Variants in SAMHD1 observed in about 807,000 individuals in gnomAD.
SAMHD1 encodes SAM and HD domain containing deoxynucleoside triphosphate triphosphohydrolase 1.
Under a neutral mutation model 79.6 loss-of-function variants are expected in SAMHD1, and 54 were observed. That is an observed-to-expected ratio of 0.68 (90% CI 0.55 to 0.85). The LOEUF is 0.85. Among genes scored for constraint, SAMHD1 ranks in the 40% least tolerant of loss-of-function variants. The probability of loss-of-function intolerance (pLI) is 0.00; values close to 1 mark genes in which losing one functional copy is unlikely to be tolerated. For synonymous variants in SAMHD1, 260 were observed against 264.1 expected, an observed-to-expected ratio of 0.98 and a Z score of 0.15; for missense variants, 663 against 782.7, an observed-to-expected ratio of 0.85 and a Z score of 1.82.
Position 36,930,862 on chromosome 20 carries a change from C to G in SAMHD1, c.523G>C (p.Ala175Pro). ...CCCAGTGCGTGAACTAGACATCCTG[C>G]TAGATACCCCACCCTGCAGAGCAAA... ...FEHSLGVGYL[A>P]GCLVHALGEK... Residue 175 changes from alanine to proline, a missense_variant, in exon 5 of 16, where the codon GCA becomes CCA. Physicochemically the swap from Ala to Pro is conservative, Grantham distance 27. Transcript: ENST00000646673. The G allele has an allele frequency of 6.2e-7, 1 of 1,612,636 alleles. No homozygotes were observed. Among genetic ancestry groups the G allele is most frequent in the Non-Finnish European group, 8.5e-7 (1 of 1,178,684 alleles).
At chr20:36,950,715 GA>G in intron 1 of SAMHD1, among the ~76,000 whole-genome samples, 1 of 152,172 alleles carries the variant, frequency 6.6e-6, no homozygotes, top group Non-Finnish European at 1.5e-5. Context: ...TTTTGGAGGG[GA>G]ACCTGCTTTT....
At chr20:36,896,745 GA>G (rs1990205665) in intron 15 of SAMHD1, among the ~76,000 whole-genome samples, 1 of 152,070 alleles carries the variant, frequency 6.6e-6, no homozygotes, top group Non-Finnish European at 1.5e-5. Context: ...TGAGGCAGGG[GA>G]ATCGCTTGAA....
At chr20:36,906,214 G>A (rs1568763563) in intron 11 of SAMHD1, among the ~76,000 whole-genome samples, 1 of 152,200 alleles carries the variant, frequency 6.6e-6, no homozygotes, top group Non-Finnish European at 1.5e-5. Context: ...AAGGCAGGTG[G>A]ATCACCTGAG....
At position 36,949,661 on chromosome 20, in the gene SAMHD1, G is replaced by A. The variant is rs2063719833; in HGVS notation, c.208+1775C>T. Among the ~76,000 whole-genome samples, 4 of 150,636 alleles carry A rather than the reference G, an allele frequency of 2.7e-5. No homozygotes were observed. In the Admixed American group the frequency reaches 2.7e-4, roughly 10 times the overall value. ...AATCCCAGCTACTCGGGAGGCTGAG[G>A]CAGGAGAATAGCTTGAACCAGGCAG... On this transcript the variant is annotated intron_variant, in intron 1 of 15. Coordinates refer to ENST00000646673, the MANE Select transcript of SAMHD1 (RefSeq NM_015474.4).
At position 36,900,445 on chromosome 20, in the gene SAMHD1, C is replaced by T. The variant is rs544080757; in HGVS notation, c.1504-1901G>A. On this transcript the variant is annotated intron_variant, in intron 13 of 15. Transcript: ENST00000646673. ...ATTTTTAGTAGAGACGGGGTTTCACCATGTTGACCAGGCTGGTCTCAAACT... is the reference window on the plus strand; with the variant it reads ...ATTTTTAGTAGAGACGGGGTTTCACTATGTTGACCAGGCTGGTCTCAAACT... 2.0e-3 allele frequency among the ~76,000 whole-genome samples: 303 copies of T among 152,136 alleles called. 1 individual carries two copies. Among genetic ancestry groups the T allele is most frequent in the African/African-American group, 6.8e-3 (281 of 41,518 alleles).
At chr20:36,919,812 T>C (rs1036420728) in intron 6 of SAMHD1, among the ~76,000 whole-genome samples, 11 of 152,212 alleles carry the variant, frequency 7.2e-5, no homozygotes, top group Non-Finnish European at 1.5e-4. Context: ...TAGACAGAAT[T>C]ACATTTTAAT....
intron 9 of SAMHD1, among the ~76,000 whole-genome samples, chr20:36,916,160 C>CAAAAAAAAAA (rs888889988): frequency 2.8e-5 from 4 of 142,550 alleles, no homozygotes; most frequent in African/African-American, 7.7e-5. Flanking sequence ...GACTCCGTCT[C>CAAAAAAAAAA]AAAAAAAAAA....
At chr20:36,904,781 G>C (rs1268956485) in intron 12 of SAMHD1, 1 of 178,772 alleles carries the variant, frequency 5.6e-6, no homozygotes, top group African/African-American at 2.4e-5. Context: ...TAACCTATTA[G>C]TACAACAAGA....
intron 13 of SAMHD1, among the ~76,000 whole-genome samples, chr20:36,898,910 CAAAAAAAAAA>C (rs57902699): frequency 1.4e-5 from 1 of 69,426 alleles, no homozygotes; most frequent in African/African-American, 4.9e-5. Flanking sequence ...GACTCTGACT[CAAAAAAAAAA>C]AAAAAAAAAA....
intron 14 of SAMHD1, 140 bp from the exon 15 acceptor site, chr20:36,898,099 A>T: frequency 9.5e-7 from 1 of 1,050,862 alleles, no homozygotes; most frequent in South Asian, 1.3e-5. Context: ...TGGCACAATC[A>T]CAGCTCACTG....
intron 1 of SAMHD1, among the ~76,000 whole-genome samples, chr20:36,948,692 C>T (rs1396907370): frequency 2.7e-5 from 4 of 149,144 alleles, no homozygotes; most frequent in African/African-American, 7.4e-5. Context: ...CATGGTGAAA[C>T]CCCATCTCTA....
chr20:36,926,939 C>T, intron 6 of SAMHD1: 1 of 458,896 alleles, frequency 2.2e-6, no homozygotes, highest in Non-Finnish European at 3.9e-6. Context: ...TTTGATGCAT[C>T]AATACACATC....
rs2063446792 is a variant in SAMHD1 at position 36,912,506 on chromosome 20, T to C, written c.1109A>G (p.His370Arg). 1 of 1,613,482 alleles carries C rather than the reference T, an allele frequency of 6.2e-7. No individual in the cohort carries two copies. ...AACTTTGTGTTGATAAGCTCTACGG[T>C]GTAAAGAGTTGCGAGTGTGGAACAT... The part of the protein sequence containing the change: ...YDMFHTRNSL[H>R]RRAYQHKVGN... The change falls in exon 10 of 16, where the codon CAC (histidine) becomes CGC (arginine). Residue 370 changes from histidine (H) to arginine (R), a missense_variant. Physicochemically the swap from His to Arg is conservative, Grantham distance 29. Transcript: ENST00000646673.
chr20:36,930,363 G>T (rs777392659), intron 5 of SAMHD1, among the ~76,000 whole-genome samples: 37 of 151,978 alleles, frequency 2.4e-4, no homozygotes, highest in Non-Finnish European at 4.6e-4. Context: ...GGATATGGTG[G>T]TGCATGCCTG....
At chr20:36,912,777 TAAAAGATGAGGTC>T (rs1568767333) in intron 9 of SAMHD1, among the ~76,000 whole-genome samples, 10 of 142,164 alleles carry the variant, frequency 7.0e-5, no homozygotes, top group South Asian at 2.2e-4. Context: ...TTTTTTTTTT[TAAAAGATGAGGTC>T]TTGCTATGTT....
At chr20:36,951,402 G>A (rs1475905113) in intron 1 of SAMHD1, 34 bp downstream of exon 1, 1 of 1,611,052 alleles carries the variant, frequency 6.2e-7, no homozygotes. Context: ...CCAGGTCGCC[G>A]CCCTTCGCCC....
chr20:36,898,910 CAAAAAAAAAAA>C (rs57902699), intron 13 of SAMHD1, among the ~76,000 whole-genome samples: 1 of 69,426 alleles, frequency 1.4e-5, no homozygotes, highest in Non-Finnish European at 2.9e-5. Context: ...GACTCTGACT[CAAAAAAAAAAA>C]AAAAAAAAAA....
intron 3 of SAMHD1, among the ~76,000 whole-genome samples, chr20:36,937,128 G>C (rs1300950973): frequency 7.3e-6 from 1 of 137,008 alleles, no homozygotes; most frequent in Non-Finnish European, 1.5e-5. Flanking sequence ...GCAACAGAGT[G>C]AGACTCTATC....
intron 5 of SAMHD1, among the ~76,000 whole-genome samples, chr20:36,928,604 G>C (rs979541978): frequency 2.1e-4 from 32 of 151,916 alleles, no homozygotes; most frequent in African/African-American, 7.7e-4. Flanking sequence ...AGAATCGCTT[G>C]AACCCGGGAG....
Sources: allele counts gnomAD v4.1 joint callset (sites outside exome capture counted in the v4.1 genomes callset), GRCh38; gene constraint gnomAD v4.1.1; transcripts MANE v1.5; gene names NCBI Gene and HGNC (gene_info 2026-07-23, HGNC 2026-07-21).